CTNNA2: variants seen among roughly 807,000 people sequenced by gnomAD.
The protein encoded by CTNNA2 is catenin alpha 2, also known as catenin alpha-2.
A neutral mutation model predicts 101.0 loss-of-function variants in CTNNA2; 42 were observed. The ratio of observed to expected loss-of-function variants is 0.42; its 90% confidence interval spans 0.32 to 0.54. The LOEUF is 0.54. CTNNA2 is among the 20% of genes least tolerant of loss of function. The probability of loss-of-function intolerance (pLI) is 0.14; values close to 1 mark genes in which losing one functional copy is unlikely to be tolerated. For missense variants in CTNNA2, 871 were observed against 1,223.1 expected (o/e 0.71, Z 4.29); for synonymous variants, 450 against 456.4 (o/e 0.99, Z 0.18).
At chr2:79,787,929 T>C (rs11897821) in intron 3 of CTNNA2, among the ~76,000 whole-genome samples, 27,291 of 151,938 alleles carry the variant, frequency 0.18, 4,334 homozygotes, top group African/African-American at 0.41. Flanking sequence ...CTCAGGTTAC[T>C]GGGATGAGGA....
intron 7 of CTNNA2, among the ~76,000 whole-genome samples, chr2:80,331,021 GT>G (rs34091714): frequency 0.18 from 24,478 of 139,520 alleles, 2,074 homozygotes; most frequent in Middle Eastern, 0.26. Context: ...TAAACTGTAT[GT>G]TTTTTTTTTT....
chr2:79,371,282 G>C (rs2104454858), intron 3 of CTNNA2, among the ~76,000 whole-genome samples: 1 of 152,096 alleles, frequency 6.6e-6, no homozygotes, highest in Admixed American at 6.5e-5. Flanking sequence ...TATATCATGA[G>C]GCTTCTCCAG....
chr2:79,432,829 A>T (rs928429050), intron 4 of CTNNA2, among the ~76,000 whole-genome samples: 3 of 152,208 alleles, frequency 2.0e-5, no homozygotes, highest in African/African-American at 7.2e-5. Context: ...TTGTACTTTC[A>T]TCTACTCCCC....
chr2:80,402,836 T>C (rs1678684960), intron 8 of CTNNA2, among the ~76,000 whole-genome samples: 1 of 149,472 alleles, frequency 6.7e-6, no homozygotes, highest in South Asian at 2.1e-4. Flanking sequence ...ATATTTCTTA[T>C]TATTTCACAA....
At chr2:80,323,105 G>C (rs575100446) in intron 7 of CTNNA2, among the ~76,000 whole-genome samples, 2 of 152,332 alleles carry the variant, frequency 1.3e-5, no homozygotes, top group East Asian at 3.9e-4. Flanking sequence ...GTCAGTGCTG[G>C]CACCGGCTCT....
chr2:79,629,848 T>TC (rs1481789138), intron 1 of CTNNA2, among the ~76,000 whole-genome samples: 3 of 152,136 alleles, frequency 2.0e-5, no homozygotes, highest in Non-Finnish European at 4.4e-5. Context: ...GGAGAGGCTG[T>TC]CCCTCCAGAG....
intron 2 of CTNNA2, among the ~76,000 whole-genome samples, chr2:79,690,461 C>T (rs963370835): frequency 1.3e-5 from 2 of 152,000 alleles, no homozygotes; most frequent in Non-Finnish European, 2.9e-5. Context: ...CTGCAAAGGA[C>T]ATGAACTCAT....
At chr2:79,452,368 G>A (rs920246598) in intron 4 of CTNNA2, among the ~76,000 whole-genome samples, 15 of 151,508 alleles carry the variant, frequency 9.9e-5, no homozygotes, top group African/African-American at 2.7e-4. Flanking sequence ...AATATCTCCC[G>A]CCTCTGCTTG....
intron 8 of CTNNA2, among the ~76,000 whole-genome samples, chr2:80,408,527 T>A (rs1333784625): frequency 6.6e-6 from 1 of 152,184 alleles, no homozygotes; most frequent in East Asian, 1.9e-4. Flanking sequence ...CTAAAGGTCC[T>A]TGCTAGGGTA....
intron 8 of CTNNA2, among the ~76,000 whole-genome samples, chr2:80,409,977 T>A (rs983398373): frequency 1.1e-4 from 16 of 152,240 alleles, no homozygotes; most frequent in African/African-American, 3.9e-4. Context: ...GTGTTTTTCA[T>A]TGAGTACATT....
intron 2 of CTNNA2, among the ~76,000 whole-genome samples, chr2:79,283,177 G>A (rs1021661858): frequency 1.5e-4 from 16 of 103,736 alleles, no homozygotes; most frequent in African/African-American, 4.2e-4. Flanking sequence ...CAGATGAGTA[G>A]GTTGTGAAAA....
chr2:79,719,507 C>G (rs1277930917), intron 2 of CTNNA2, among the ~76,000 whole-genome samples: 1 of 152,132 alleles, frequency 6.6e-6, no homozygotes, highest in African/African-American at 2.4e-5. Flanking sequence ...AATTGATATT[C>G]CCACCAACAG....
chr2:79,387,944 G>C (rs570898990), intron 4 of CTNNA2, among the ~76,000 whole-genome samples: 1 of 152,310 alleles, frequency 6.6e-6, no homozygotes, highest in Admixed American at 6.5e-5. Context: ...GAGCCACAGA[G>C]AGTAGAGATC....
chr2:80,412,867 A>T (rs1679710796), intron 8 of CTNNA2, among the ~76,000 whole-genome samples: 1 of 152,150 alleles, frequency 6.6e-6, no homozygotes, highest in Non-Finnish European at 1.5e-5. Flanking sequence ...GGGATGGCAG[A>T]GAACAAGACC....
At chr2:79,931,258 G>A (rs1687422212) in intron 7 of CTNNA2, among the ~76,000 whole-genome samples, 1 of 152,060 alleles carries the variant, frequency 6.6e-6, no homozygotes, top group Admixed American at 6.6e-5. Context: ...AATTCATCTT[G>A]TCTTTTTAAT....
At chr2:80,560,025 A>G (rs1429486594) in intron 12 of CTNNA2, among the ~76,000 whole-genome samples, 1 of 147,512 alleles carries the variant, frequency 6.8e-6, no homozygotes, top group African/African-American at 2.5e-5. Context: ...ATTCTGCCAG[A>G]TATTTTTTCT....
chr2:79,541,208 GTA>G (rs10541673), intron 1 of CTNNA2, among the ~76,000 whole-genome samples: 68,472 of 148,920 alleles, frequency 0.46, 15,888 homozygotes, highest in Non-Finnish European at 0.5. Context: ...GAGTTTGTGT[GTA>G]TATATATATA....
rs1672089295 is a variant in CTNNA2 at position 79,521,134 on chromosome 2, ATATATATATATATATATATATATATATAT to A, written c.-6+7928_-6+7956del. 2.6e-3 allele frequency among the ~76,000 whole-genome samples: 51 copies of A among 19,954 alleles called. 3 individuals carry two copies. The highest frequency in any genetic ancestry group is 9.0e-3 in the African/African-American group (46 of 5,126). The allele number at this position is 19,954 out of a possible 152,430, so 13.1% of individuals were successfully genotyped here. A position where few individuals can be genotyped will look rare whatever the true frequency, so the allele number is the denominator to read the frequency against. On this transcript the variant is annotated intron_variant, in intron 1 of 18. Coordinates refer to ENST00000402739, the MANE Select transcript of CTNNA2 (RefSeq NM_001282597.3). ...TATATATATATATATATATATATAT[ATATATATATATATATATATATATATATAT>A]ATATAAATTTTAAGGTGCGCTATTT...
At chr2:80,620,567 C>T (rs1671021427) in intron 18 of CTNNA2, among the ~76,000 whole-genome samples, 1 of 151,832 alleles carries the variant, frequency 6.6e-6, no homozygotes, top group Non-Finnish European at 1.5e-5. Context: ...CATAACTGGC[C>T]AATAGGAAGA....
Sources: gnomAD v4.1 joint callset for allele counts (sites outside exome capture counted in the v4.1 genomes callset) on GRCh38, gnomAD v4.1.1 for gene constraint, MANE v1.5 for transcripts, NCBI Gene and HGNC (gene_info 2026-07-23, HGNC 2026-07-21) for gene names.